PRKCQ: variants seen among roughly 807,000 people sequenced by gnomAD.
PRKCQ encodes protein kinase C theta.
PRKCQ carries 41 observed loss-of-function variants against 91.2 expected under a neutral mutation model. The ratio of observed to expected loss-of-function variants is 0.45; its 90% CI spans 0.35 to 0.58. The LOEUF is 0.58. PRKCQ is among the 20% of genes least tolerant of loss of function. The probability of loss-of-function intolerance (pLI) is 0.00; values close to 1 mark genes in which losing one functional copy is unlikely to be tolerated. For synonymous variants in PRKCQ, 307 were observed against 316.9 expected (o/e 0.97, Z 0.33); for missense variants, 673 against 896.5 (o/e 0.75, Z 3.18).
rs180779051 is a variant in PRKCQ, at chr10:6,526,247, G to A, written c.-9-11103C>T. Among the ~76,000 whole-genome samples the A allele has an allele frequency of 4.0e-3, 606 of 152,126 alleles. 10 individuals are homozygous for A. The highest frequency in any genetic ancestry group is 0.014 in the African/African-American group (581 of 41,472). On this transcript the variant is annotated intron_variant, in intron 1 of 17. Transcript: ENST00000263125. The stretch of plus-strand genomic sequence containing the variant: ...AATGTTCTATGATTACAGTATCCAC[G>A]ATTTCTGATTTAGTGACTATGCATC...
intron 4 of PRKCQ, among the ~76,000 whole-genome samples, chr10:6,500,810 A>G (rs1837864411): frequency 6.6e-6 from 1 of 152,116 alleles, no homozygotes; most frequent in Admixed American, 6.6e-5. Flanking sequence ...CTGTGAGTAA[A>G]CTGCCTTGCT....
intron 16 of PRKCQ, among the ~76,000 whole-genome samples, chr10:6,437,378 C>A (rs10906569): frequency 0.19 from 28,871 of 152,046 alleles, 3,332 homozygotes; most frequent in Non-Finnish European, 0.25. Flanking sequence ...AGCTGTCTAC[C>A]AGCCAGGAAG....
chr10:6,394,733 A>G, the PRKCQ span, among the ~76,000 whole-genome samples: 4 of 152,260 alleles, frequency 2.6e-5, no homozygotes, highest in Admixed American at 2.0e-4. Context: ...CCAGGAGGAG[A>G]AAGAAAATCC....
At chr10:6,530,817 T>G (rs1461918919) in intron 1 of PRKCQ, among the ~76,000 whole-genome samples, 1 of 152,214 alleles carries the variant, frequency 6.6e-6, no homozygotes, top group African/African-American at 2.4e-5. Flanking sequence ...GCCCCTTCAC[T>G]GACCGTTCAT....
In PRKCQ at chr10:6,504,950, G is replaced by C. The variant is rs375661802; in HGVS notation, c.379+2486C>G. On this transcript the variant is annotated intron_variant, in intron 4 of 17. Transcript: ENST00000263125. The stretch of plus-strand genomic sequence containing the variant: ...ACTCTGTCTCCCAGGCTGGAGTGCA[G>C]TGGTGCAATCTTGGCTCACTGCAAG... 1.5e-3 allele frequency among the ~76,000 whole-genome samples: 227 copies of C among 150,680 alleles called. 1 individual carries two copies. The highest frequency in any genetic ancestry group is 5.3e-3 in the African/African-American group (216 of 40,790).
chr10:6,561,599 CA>C (rs939554959), intron 1 of PRKCQ, among the ~76,000 whole-genome samples: 1 of 152,046 alleles, frequency 6.6e-6, no homozygotes, highest in Admixed American at 6.6e-5. Context: ...AGGCCTATGC[CA>C]AAAAATAATT....
the PRKCQ span, among the ~76,000 whole-genome samples, chr10:6,418,770 CCTGT>C: frequency 4.6e-5 from 7 of 152,164 alleles, no homozygotes; most frequent in South Asian, 2.1e-4. Context: ...AGGGAGAGAG[CCTGT>C]CTGTCTATTT....
chr10:6,526,434 C>T (rs1839198710), intron 1 of PRKCQ, among the ~76,000 whole-genome samples: 1 of 151,952 alleles, frequency 6.6e-6, no homozygotes, highest in Non-Finnish European at 1.5e-5. Context: ...TGAAATACAC[C>T]AGGTGACTCC....
rs1478038468 is a variant in PRKCQ at position 6,577,968 on chromosome 10, C to CATCT, written c.-10+2239_-10+2242dup. ...AGTCCACATGGAATTTTGGTTAAAA[C>CATCT]ATCTAATTCATTGCAGAGAAGAATT... On this transcript the variant is annotated intron_variant, in intron 1 of 17. Coordinates refer to ENST00000263125, the MANE Select transcript of PRKCQ (RefSeq NM_006257.5). 3.3e-5 allele frequency among the ~76,000 whole-genome samples: 5 copies of CATCT among 152,198 alleles called. No individual in the cohort carries two copies. The East Asian group carries it at 7.7e-4, about 23-fold the overall frequency.
chr10:6,480,847 T>G (rs1836557433), intron 11 of PRKCQ, among the ~76,000 whole-genome samples: 1 of 152,192 alleles, frequency 6.6e-6, no homozygotes, highest in Admixed American at 6.5e-5. Flanking sequence ...GGTAGCTGAC[T>G]TGATAGAAGG....
intron 15 of PRKCQ, among the ~76,000 whole-genome samples, chr10:6,445,048 C>T (rs7079678): frequency 0.35 from 50,001 of 144,552 alleles, 8,650 homozygotes; most frequent in East Asian, 0.49. Context: ...CGCTTGAACC[C>T]GGGAGGTGGA....
intron 4 of PRKCQ, among the ~76,000 whole-genome samples, chr10:6,502,994 C>A (rs1838000834): frequency 1.3e-5 from 2 of 152,162 alleles, no homozygotes; most frequent in Non-Finnish European, 2.9e-5. Flanking sequence ...TCATCTAATA[C>A]CATCTGTTTG....
intron 14 of PRKCQ, 53 bp from the exon 15 acceptor site, chr10:6,456,865 C>T (rs1835035344): frequency 2.5e-6 from 4 of 1,585,310 alleles, no homozygotes; most frequent in Admixed American, 3.4e-5. Context: ...ATTTGGTTAA[C>T]ATAAAATTCC....
At chr10:6,406,190 T>G in the PRKCQ span, among the ~76,000 whole-genome samples, 4 of 152,202 alleles carry the variant, frequency 2.6e-5, no homozygotes, top group East Asian at 7.7e-4. Flanking sequence ...AGAAAAATCC[T>G]TGGGTTAGAA....
At chr10:6,404,609 CTCTT>C in the PRKCQ span, among the ~76,000 whole-genome samples, 32 of 132,642 alleles carry the variant, frequency 2.4e-4, no homozygotes, top group Admixed American at 1.2e-3. Flanking sequence ...CTCTCTTTCT[CTCTT>C]TCTTTCTCTC....
intron 1 of PRKCQ, among the ~76,000 whole-genome samples, chr10:6,518,378 T>C (rs1384026418): frequency 6.6e-6 from 1 of 152,174 alleles, no homozygotes; most frequent in Non-Finnish European, 1.5e-5. Flanking sequence ...TTTGGTTCTG[T>C]GGTATTTAAG....
chr10:6,484,785 T>G (rs1055075498), intron 10 of PRKCQ, among the ~76,000 whole-genome samples: 2 of 152,196 alleles, frequency 1.3e-5, no homozygotes, highest in African/African-American at 4.8e-5. Flanking sequence ...TTTCCTACCC[T>G]TAAATTTAAG....
At chr10:6,505,191 C>G (rs1255496175) in intron 4 of PRKCQ, among the ~76,000 whole-genome samples, 1 of 152,104 alleles carries the variant, frequency 6.6e-6, no homozygotes, top group African/African-American at 2.4e-5. Flanking sequence ...CGTGCCCGGC[C>G]AAAGCTTTAT....
chr10:6,491,653 C>T (rs759019870), intron 8 of PRKCQ, 30 bp downstream of exon 8: 22 of 1,612,588 alleles, frequency 1.4e-5, no homozygotes, highest in Admixed American at 8.3e-5. Context: ...GGGTCCACGT[C>T]GGGCCATGCT....
Sources: allele counts gnomAD v4.1 joint callset (sites outside exome capture counted in the v4.1 genomes callset), GRCh38; gene constraint gnomAD v4.1.1; transcripts MANE v1.5; gene names NCBI Gene and HGNC (gene_info 2026-07-23, HGNC 2026-07-21).